BCL2L14: variants seen among roughly 807,000 people sequenced by gnomAD.
BCL2L14 encodes the protein BCL2 like 14.
In BCL2L14, 27 loss-of-function variants were observed where a neutral mutation model predicts 35.3. That is an observed-to-expected ratio of 0.76 (90% CI 0.56 to 1.05). The LOEUF (loss-of-function observed/expected upper bound fraction) is 1.05, where lower values mean the gene tolerates loss of function less well. Among genes scored for constraint, BCL2L14 ranks in the 50% least tolerant of loss-of-function variants. BCL2L14 has a pLI of 0.00. For synonymous variants in BCL2L14, 139 were observed against 145.9 expected (o/e 0.95, Z 0.34); for missense variants, 377 against 382.6 (o/e 0.99, Z 0.12).
intron 1 of BCL2L14, among the ~76,000 whole-genome samples, chr12:12,075,672 G>C (rs943629909): frequency 3.3e-5 from 5 of 150,530 alleles, no homozygotes; most frequent in South Asian, 2.1e-4. Flanking sequence ...TGAACTACCC[G>C]CCTTGGCCTC....
At chr12:12,065,467 C>T (rs941043973) in intron 2 of BCL2L14, among the ~76,000 whole-genome samples, 1 of 149,396 alleles carries the variant, frequency 6.7e-6, no homozygotes, top group African/African-American at 2.5e-5. Context: ...ACCGGGGAGG[C>T]GGAGGTTGCA....
At chr12:12,059,906 A>G (rs1286973804) in intron 2 of BCL2L14, among the ~76,000 whole-genome samples, 3 of 152,114 alleles carry the variant, frequency 2.0e-5, no homozygotes, top group South Asian at 2.1e-4. Context: ...ATGGTCTGAG[A>G]TGCCTGATGT....
chr12:12,060,212 T>C (rs1404081936), intron 2 of BCL2L14, among the ~76,000 whole-genome samples: 3 of 151,512 alleles, frequency 2.0e-5, no homozygotes, highest in Non-Finnish European at 4.4e-5. Context: ...CTCCCCCTCC[T>C]GCCCAGCAAT....
intron 3 of BCL2L14, 45 bp downstream of exon 3, chr12:12,087,431 C>T: frequency 6.3e-7 from 1 of 1,595,232 alleles, no homozygotes; most frequent in East Asian, 2.2e-5. Context: ...GGCAGGGGCG[C>T]AGGAGCATTT....
At chr12:12,074,457 T>A (rs945146235) in intron 1 of BCL2L14, among the ~76,000 whole-genome samples, 7 of 152,152 alleles carry the variant, frequency 4.6e-5, no homozygotes, top group African/African-American at 1.2e-4. Flanking sequence ...TTTTATTATT[T>A]TTTTTTGAGA....
At chr12:12,057,760 A>AG (rs1331954287) in intron 2 of BCL2L14, among the ~76,000 whole-genome samples, 1 of 151,120 alleles carries the variant, frequency 6.6e-6, no homozygotes, top group East Asian at 1.9e-4. Context: ...TCCATTAAAA[A>AG]AAAAAAAAAA....
At chr12:12,050,807 A>AAAG (rs771735826) in intron 1 of BCL2L14, among the ~76,000 whole-genome samples, 399 of 145,080 alleles carry the variant, frequency 2.8e-3, no homozygotes, top group South Asian at 7.0e-3. Flanking sequence ...AAAAAAAAAA[A>AAAG]AAAAAAGAAA....
At chr12:12,077,072 T>G (rs1220868935) in intron 1 of BCL2L14, among the ~76,000 whole-genome samples, 1 of 152,164 alleles carries the variant, frequency 6.6e-6, no homozygotes, top group Non-Finnish European at 1.5e-5. Context: ...ACTGTCCCAT[T>G]TCTTTATCAT....
chr12:12,070,212 A>T (rs1805683403), upstream of BCL2L14, among the ~76,000 whole-genome samples: 1 of 152,138 alleles, frequency 6.6e-6, no homozygotes, highest in Non-Finnish European at 1.5e-5. Context: ...GTTCCACTTG[A>T]ACACAATCTT....
chr12:12,064,983 T>G (rs1948577117), intron 2 of BCL2L14, among the ~76,000 whole-genome samples: 1 of 152,210 alleles, frequency 6.6e-6, no homozygotes, highest in African/African-American at 2.4e-5. Context: ...TTGTCTTCAC[T>G]CAAACCACAG....
intron 1 of BCL2L14, among the ~76,000 whole-genome samples, chr12:12,078,568 T>C (rs1369591824): frequency 1.3e-5 from 2 of 152,242 alleles, no homozygotes; most frequent in Non-Finnish European, 2.9e-5. Context: ...TGCATACGTA[T>C]GCTGTCCCAG....
intron 3 of BCL2L14, among the ~76,000 whole-genome samples, chr12:12,089,717 C>T (rs544582076): frequency 6.6e-6 from 1 of 152,146 alleles, no homozygotes; most frequent in Non-Finnish European, 1.5e-5. Context: ...CCCTGTCCCC[C>T]CAACACACAC....
At chr12:12,088,417 G>C (rs1190697527) in intron 3 of BCL2L14, among the ~76,000 whole-genome samples, 1 of 152,058 alleles carries the variant, frequency 6.6e-6, no homozygotes, top group Non-Finnish European at 1.5e-5. Flanking sequence ...CATGTTGTCT[G>C]CTCCCTAGGG....
At chr12:12,088,546 C>T (rs1949098054) in intron 3 of BCL2L14, among the ~76,000 whole-genome samples, 1 of 152,184 alleles carries the variant, frequency 6.6e-6, no homozygotes, top group Non-Finnish European at 1.5e-5. Context: ...TTTTAGCTTG[C>T]TTGTCTATGT....
rs370654356 is a variant in BCL2L14 at position 12,073,002 on chromosome 12, T to A, written c.-8+1865T>A. On this transcript the variant is annotated intron_variant, in intron 1 of 5. Transcript: ENST00000308721. ...CCCAGGCTCAAGCGATTCTCCCCCCTCAGCCTCCCAAGTGGCTGGGACTGC... is the reference window on the plus strand; with the variant it reads ...CCCAGGCTCAAGCGATTCTCCCCCCACAGCCTCCCAAGTGGCTGGGACTGC... 1.4e-3 allele frequency among the ~76,000 whole-genome samples: 207 copies of A among 151,928 alleles called. 1 individual carries two copies. The highest frequency in any genetic ancestry group is 4.3e-3 in the African/African-American group (179 of 41,444).
chr12:12,095,820 G>T, intron 5 of BCL2L14: 1 of 985,320 alleles, frequency 1.0e-6, no homozygotes, highest in Non-Finnish European at 1.2e-6. Flanking sequence ...TGAAGTGCCC[G>T]CCATGGTCTT....
At chr12:12,090,649 A>T (rs10082709) in intron 3 of BCL2L14, 130 bp from the exon 4 acceptor site, 102,792 of 593,794 alleles carry the variant, frequency 0.17, 7,229 homozygotes, top group Middle Eastern at 0.28. Flanking sequence ...TAAAAAATAA[A>T]AAAAAAAAAA....
intron 1 of BCL2L14, among the ~76,000 whole-genome samples, chr12:12,076,118 G>A (rs141922660): frequency 2.9e-3 from 381 of 130,466 alleles, no homozygotes; most frequent in African/African-American, 0.011. Flanking sequence ...TGGGATGCCC[G>A]GAAAATGCAT....
At position 12,094,936 on chromosome 12, in the gene BCL2L14, C is replaced by T. The variant is rs781733625; in HGVS notation, c.945+6C>T. The T allele has an allele frequency of 5.0e-6, 8 of 1,608,818 alleles. No homozygotes were observed. The African/African-American group carries it at 5.4e-5, about 11-fold the overall frequency. On this transcript the variant is annotated splice_donor_region_variant and intron_variant, in intron 5 of 5. Transcript: ENST00000308721. The stretch of plus-strand genomic sequence containing the variant: ...TCCAGCAGCACGGTGGATGGGTAAG[C>T]GTATCCTATTTAAAAACAAATTTTC...
Sources: gnomAD v4.1 joint callset for allele counts (sites outside exome capture counted in the v4.1 genomes callset) on GRCh38, gnomAD v4.1.1 for gene constraint, MANE v1.5 for transcripts, NCBI Gene and HGNC (gene_info 2026-07-23, HGNC 2026-07-21) for gene names.